The following MROH7 variants were observed in gnomAD, a reference collection of about 807,000 sequenced individuals.
MROH7 encodes maestro heat-like repeat-containing protein family member 7.
Under a neutral mutation model 129.2 loss-of-function variants are expected in MROH7, and 113 were observed. The ratio of observed to expected loss-of-function variants is 0.87; its 90% CI spans 0.75 to 1.02. The LOEUF is 1.02. Ranked by LOEUF, MROH7 falls within the 50% of genes least tolerant of loss-of-function variation. The pLI is 0.00. For synonymous variants in MROH7, 655 were observed against 667.9 expected, an observed-to-expected ratio of 0.98 and a Z score of 0.30; for missense variants, 1,601 against 1,671.3, an observed-to-expected ratio of 0.96 and a Z score of 0.73.
In MROH7 at chr1:54,689,789, C is replaced by T. The variant is rs78834889; in HGVS notation, c.2712-2635C>T. ...CTCTGGGAGGCTGAGGCAGGAGAAT[C>T]GCTTGAGGCCAGGGGTTTGAGACCA... On this transcript the variant is annotated intron_variant, in intron 15 of 23. Transcript: ENST00000421030. 0.014 allele frequency among the ~76,000 whole-genome samples: 2,133 copies of T among 152,304 alleles called. 133 individuals carry two copies. The East Asian group carries it at 0.2, about 14-fold the overall frequency.
chr1:54,654,105 C>T lies in MROH7; in HGVS notation c.1179C>T (p.Pro393=). The change falls in exon 3 of 24, where the codon CCC becomes CCT. Residue 393 remains proline, a synonymous_variant. Coordinates refer to ENST00000421030, the MANE Select transcript of MROH7 (RefSeq NM_001039464.4). ...TGGGCCAGTTCCCGCTGGGATTCCC[C>T]ATCTCCAACCCCGCAGGCAAGGACG... is the stretch of plus-strand genomic sequence containing the variant. The part of the protein sequence containing the change: ...IKVGQFPLGF[P]ISNPAGKDAV... 6.2e-7 allele frequency: 1 copy of T among 1,613,916 alleles called. No homozygotes were observed. Among genetic ancestry groups the T allele is most frequent in the Non-Finnish European group, 8.5e-7 (1 of 1,179,894 alleles).
intron 10 of MROH7, among the ~76,000 whole-genome samples, chr1:54,676,717 C>CTT (rs535453932): frequency 2.2e-5 from 3 of 134,344 alleles, no homozygotes; most frequent in Non-Finnish European, 1.6e-5. Context: ...TTTTTCTTTT[C>CTT]TTTTTTTTTT....
At chr1:54,673,891 A>AT in intron 9 of MROH7, 86 bp downstream of exon 9, 4 of 1,521,222 alleles carry the variant, frequency 2.6e-6, no homozygotes, top group Non-Finnish European at 3.6e-6. Flanking sequence ...AGGGATTCCC[A>AT]GGTGGCTCTT....
chr1:54,655,015 ATTTTT>A (rs71045202), intron 3 of MROH7, among the ~76,000 whole-genome samples: 1 of 136,420 alleles, frequency 7.3e-6, no homozygotes, highest in South Asian at 2.3e-4. Flanking sequence ...TGAGAATCCT[ATTTTT>A]TTTTTTTTTT....
At chr1:54,680,242 C>A (rs1008127652) in intron 13 of MROH7, among the ~76,000 whole-genome samples, 197 bp downstream of exon 13, 1 of 152,186 alleles carries the variant, frequency 6.6e-6, no homozygotes, top group Non-Finnish European at 1.5e-5. Context: ...TTACAATAGT[C>A]TCTAATTCTC....
chr1:54,705,290 A>AT (rs1366084087), intron 21 of MROH7, among the ~76,000 whole-genome samples: 1 of 152,166 alleles, frequency 6.6e-6, no homozygotes, highest in Non-Finnish European at 1.5e-5. Flanking sequence ...CTGGTAACCT[A>AT]TTCATTCATT....
At position 54,703,788 on chromosome 1, in the gene MROH7, C is replaced by T. The variant is rs1645477581; in HGVS notation, c.3564+1043C>T. Among the ~76,000 whole-genome samples, 1 of 152,052 alleles carries T rather than the reference C, an allele frequency of 6.6e-6. No individual in the cohort carries two copies. Among genetic ancestry groups the T allele is most frequent in the African/African-American group, 2.4e-5 (1 of 41,390 alleles). On this transcript the variant is annotated intron_variant, in intron 21 of 23. Transcript: ENST00000421030. The surrounding 1 kb of genome is among the most constrained non-coding windows in gnomAD (Gnocchi z 4.4). ...GCATATGAGGGAGTGCCCCTGGGACCAATACCCATGGAAGGGAGCGGAAGA... is the reference window on the plus strand; with the variant it reads ...GCATATGAGGGAGTGCCCCTGGGACTAATACCCATGGAAGGGAGCGGAAGA...
intron 17 of MROH7, chr1:54,699,169 T>TTCTGTCTGTGTCTGTCTG (rs1491226353): frequency 8.7e-6 from 1 of 114,492 alleles, no homozygotes; most frequent in African/African-American, 3.1e-5. Flanking sequence ...TTTTCTTTCT[T>TTCTGTCTGTGTCTGTCTG]TCTTTCTTTC....
At chr1:54,676,029 A>T (rs186344781) in intron 10 of MROH7, among the ~76,000 whole-genome samples, 2 of 152,330 alleles carry the variant, frequency 1.3e-5, no homozygotes, top group African/African-American at 4.8e-5. Flanking sequence ...CAAATAAAAA[A>T]TACAGGATAC....
intron 5 of MROH7, among the ~76,000 whole-genome samples, chr1:54,669,760 G>A (rs1002472587): frequency 3.3e-5 from 5 of 152,182 alleles, no homozygotes; most frequent in Non-Finnish European, 2.9e-5. Flanking sequence ...AGCATTTTGG[G>A]AGGCCAAGGC....
chr1:54,668,810 A>G (rs1454518340), intron 4 of MROH7, 44 bp from the exon 5 acceptor site: 5 of 1,494,892 alleles, frequency 3.3e-6, no homozygotes, highest in East Asian at 2.3e-5. Context: ...GACTGGGCTC[A>G]GTGGGTCTCT....
chr1:54,665,427 C>G (rs1264596796), intron 4 of MROH7, among the ~76,000 whole-genome samples, 187 bp downstream of exon 4: 1 of 152,246 alleles, frequency 6.6e-6, no homozygotes. Flanking sequence ...TGTTCATCTC[C>G]TCCACAAGGA....
chr1:54,701,371 T>C (rs1645433703), intron 19 of MROH7, 49 bp downstream of exon 19: 2 of 1,459,070 alleles, frequency 1.4e-6, no homozygotes, highest in African/African-American at 1.4e-5. Context: ...GAAGGGGGTC[T>C]TTTACTACCT....
In MROH7 at chr1:54,673,182, T is replaced by C; in HGVS notation, c.1691T>C (p.Leu564Ser). ...ACTCCTGCTGGGCTGAAGAGCATCT[T>C]GGAGGTGCGGAGATGGGAGGGGCAA... ...DPTPAGLKSI[L>S]EALGPWMNSG... The change falls in exon 8 of 24, where the codon TTG (leucine) becomes TCG (serine). Residue 564 changes from leucine (L) to serine (S), a missense_variant. Physicochemically the swap from Leu to Ser is moderately radical, Grantham distance 145 (BLOSUM62 -2). Coordinates refer to ENST00000421030, the MANE Select transcript of MROH7 (RefSeq NM_001039464.4). The C allele has an allele frequency of 6.2e-7, 1 of 1,612,040 alleles. No homozygotes were observed. The highest frequency in any genetic ancestry group is 1.1e-5 in the South Asian group (1 of 90,800).
intron 1 of MROH7, among the ~76,000 whole-genome samples, chr1:54,643,865 A>G (rs1453017220): frequency 6.6e-6 from 1 of 152,024 alleles, no homozygotes; most frequent in Non-Finnish European, 1.5e-5. Context: ...TTTTCTTTCA[A>G]CTCTTGAAAA....
Position 54,700,475 on chromosome 1 carries a change from A to G in MROH7, c.3105+14A>G. 2 of 1,566,420 alleles carry G rather than the reference A, an allele frequency of 1.3e-6. No individual in the cohort carries two copies. The highest frequency in any genetic ancestry group is 1.7e-6 in the Non-Finnish European group (2 of 1,154,786). ...AGGTCTGAGAAGGTGAGTGGGAGGCAGAGGAAAGCCTGGCCCAGCCAGGCC... is the reference window on the plus strand; with the variant it reads ...AGGTCTGAGAAGGTGAGTGGGAGGCGGAGGAAAGCCTGGCCCAGCCAGGCC... On this transcript the variant is annotated intron_variant, in intron 18 of 23. Transcript: ENST00000421030.
At chr1:54,666,425 ATTTTTTTTTTT>A (rs71048704) in intron 4 of MROH7, among the ~76,000 whole-genome samples, 1 of 69,220 alleles carries the variant, frequency 1.4e-5, no homozygotes, top group South Asian at 6.5e-4. Context: ...GAGAAGAGGA[ATTTTTTTTTTT>A]TTTTTTTTTT....
rs1157748080 is a variant in MROH7 at position 54,696,659 on chromosome 1, C to CTT, written c.2964+1198_2964+1199dup. ...TGTTGCATGCATCACAATTTCCTTA[C>CTT]TTTTTTTTTTTTTTTTTTTTTTTTT... On this transcript the variant is annotated intron_variant, in intron 17 of 23. Coordinates refer to ENST00000421030, the MANE Select transcript of MROH7 (RefSeq NM_001039464.4). Among the ~76,000 whole-genome samples, 75 of 66,890 alleles carry CTT rather than the reference C, an allele frequency of 1.1e-3. 6 individuals carry two copies. Among genetic ancestry groups the CTT allele is most frequent in the African/African-American group, 3.7e-3 (54 of 14,622 alleles). 43.9% of individuals were successfully genotyped at this position (66,890 alleles called of 152,430 possible).
At chr1:54,674,207 G>T in intron 10 of MROH7, 56 bp downstream of exon 10, 7 of 1,568,494 alleles carry the variant, frequency 4.5e-6, no homozygotes, top group Non-Finnish European at 6.0e-6. Flanking sequence ...GCTCAGTCTG[G>T]ATTCAATAAA....
Sources: gnomAD v4.1 joint callset for allele counts (sites outside exome capture counted in the v4.1 genomes callset) on GRCh38, gnomAD v4.1.1 for gene constraint, Gnocchi (gnomAD v3.1) non-coding constraint, MANE v1.5 for transcripts, NCBI Gene and HGNC (gene_info 2026-07-23, HGNC 2026-07-21) for gene names.